PLBD1: variants seen among roughly 807,000 people sequenced by gnomAD.
The protein encoded by PLBD1 is phospholipase B domain containing 1, also known as lysosomal leucine aminopeptidase.
PLBD1 carries 60 observed loss-of-function variants against 63.0 expected under a neutral mutation model. That is an observed-to-expected ratio of 0.95 (90% confidence interval 0.77 to 1.18). PLBD1 has a LOEUF of 1.18. Among genes scored for constraint, PLBD1 ranks in the 50% most tolerant of loss-of-function variants. PLBD1 has a pLI of 0.00. For missense variants in PLBD1, 598 were observed against 677.9 expected (o/e 0.88, Z 1.31); for synonymous variants, 262 against 248.0 (o/e 1.06, Z -0.53).
intron 1 of PLBD1, among the ~76,000 whole-genome samples, chr12:14,560,097 T>C (rs1214246509): frequency 6.6e-6 from 1 of 152,152 alleles, no homozygotes. Flanking sequence ...TGACCTCAGG[T>C]GATTTGCCTG....
At chr12:14,525,744 AAGAC>A in intron 6 of PLBD1, among the ~76,000 whole-genome samples, 1 of 151,764 alleles carries the variant, frequency 6.6e-6, no homozygotes, top group Middle Eastern at 3.4e-3. Flanking sequence ...AATTTTTTAA[AAGAC>A]AGTAAGTTTT....
At chr12:14,504,993 C>T (rs1310957162) in intron 10 of PLBD1, among the ~76,000 whole-genome samples, 1 of 151,906 alleles carries the variant, frequency 6.6e-6, no homozygotes, top group African/African-American at 2.4e-5. Flanking sequence ...TTTGTGTATT[C>T]TGTGATAGAT....
chr12:14,512,182 C>A (rs563861408), intron 6 of PLBD1, among the ~76,000 whole-genome samples: 4 of 147,758 alleles, frequency 2.7e-5, no homozygotes, highest in Non-Finnish European at 5.9e-5. Context: ...CACAGTCTGA[C>A]TCTGTCACCC....
intron 1 of PLBD1, among the ~76,000 whole-genome samples, chr12:14,562,514 GAC>G (rs1165317731): frequency 2.0e-5 from 3 of 148,262 alleles, no homozygotes; most frequent in East Asian, 3.9e-4. Context: ...TATCTGTGTA[GAC>G]AGTGTTTCAA....
chr12:14,535,586 T>G, intron 6 of PLBD1, 73 bp downstream of exon 6: 1 of 1,511,962 alleles, frequency 6.6e-7, no homozygotes, highest in South Asian at 1.2e-5. Context: ...CCATTGCAGT[T>G]AACACTGAAT....
intron 6 of PLBD1, 134 bp from the exon 7 acceptor site, chr12:14,511,845 G>A: frequency 1.2e-6 from 1 of 855,590 alleles, no homozygotes; most frequent in Non-Finnish European, 1.8e-6. Flanking sequence ...ATCTGCAGTA[G>A]CCTCCCCCAG....
chr12:14,529,400 A>G (rs1476999201), intron 6 of PLBD1, among the ~76,000 whole-genome samples: 1 of 152,182 alleles, frequency 6.6e-6, no homozygotes, highest in East Asian at 1.9e-4. Flanking sequence ...ACGTTAGTAA[A>G]CTGAACTAAA....
chr12:14,530,790 C>T (rs1453544985), intron 6 of PLBD1, among the ~76,000 whole-genome samples: 3 of 152,134 alleles, frequency 2.0e-5, no homozygotes, highest in Non-Finnish European at 4.4e-5. Context: ...GTCTTACCTC[C>T]TTGATTATTA....
At chr12:14,547,397 C>T (rs1945624230) in intron 2 of PLBD1, among the ~76,000 whole-genome samples, 1 of 152,156 alleles carries the variant, frequency 6.6e-6, no homozygotes, top group Non-Finnish European at 1.5e-5. Flanking sequence ...TGGGACCCTA[C>T]ACTTCTGTGT....
chr12:14,553,324 GC>G lies in PLBD1; in HGVS notation c.203del (p.Gly68AlafsTer7). 6.2e-7 allele frequency: 1 copy of G among 1,614,122 alleles called. No homozygotes were observed. Among genetic ancestry groups the G allele is most frequent in the Non-Finnish European group, 8.5e-7 (1 of 1,180,018 alleles). On this transcript the variant is annotated frameshift_variant, in exon 2 of 11. Coordinates refer to ENST00000240617, the MANE Select transcript of PLBD1 (RefSeq NM_024829.6). LOFTEE classifies it high-confidence loss of function. The stretch of plus-strand genomic sequence containing the variant: ...TGGTTTTCACAGAGTTATTGTAAAA[GC>G]CATAGGCGTCCCCATTCTTGTCCAT... ...NVMDKNGDAYGFYNNSVKTTG... is the reference protein window; with the variant it reads ...NVMDKNGDAYXFYNNSVKTTG...
intron 6 of PLBD1, among the ~76,000 whole-genome samples, chr12:14,522,902 A>G (rs1945387939): frequency 6.6e-6 from 1 of 152,164 alleles, no homozygotes; most frequent in Admixed American, 6.5e-5. Flanking sequence ...ATTCACAGCT[A>G]GCATCATACT....
In PLBD1 at chr12:14,506,116, C is replaced by T. The variant is rs561023570; in HGVS notation, c.1479+46G>A. The T allele has an allele frequency of 5.1e-6, 7 of 1,368,758 alleles. No individual in the cohort carries two copies. In the Admixed American group the frequency reaches 7.6e-5, roughly 15 times the overall value. 84.8% of individuals were successfully genotyped at this position (1,368,758 alleles called of 1,614,324 possible). A position where few individuals can be genotyped will look rare whatever the true frequency, so the allele number is the denominator to read the frequency against. On this transcript the variant is annotated intron_variant, in intron 10 of 10. Transcript: ENST00000240617. ...CTGTGCAACTTTGCCTTTGGAGAGG[C>T]CTGTGTGCTGGTGGGAATTAAATTC...
Position 14,567,620 on chromosome 12 carries a change from GGCAGCAGCA to G in PLBD1, c.68_76del (p.Leu23_Leu25del), listed in dbSNP as rs71669631. On this transcript the variant is annotated inframe_deletion, in exon 1 of 11. Transcript: ENST00000240617. ...CGGCTCCGCGGTGACTAACAACAGC[GGCAGCAGCA>G]GCAGCAGCAGCAGAAGCGGTGGCGG... is the stretch of plus-strand genomic sequence containing the variant. The G allele has an allele frequency of 4.7e-6, 7 of 1,478,692 alleles. No individual in the cohort carries two copies. Among genetic ancestry groups the G allele is most frequent in the East Asian group, 2.8e-5 (1 of 35,150 alleles). The allele number at this position is 1,478,692 out of a possible 1,614,324, so 91.6% of individuals were successfully genotyped here. A position where few individuals can be genotyped will look rare whatever the true frequency, so the allele number is the denominator to read the frequency against.
At chr12:14,525,682 AACACACACACAC>A (rs57722328) in intron 6 of PLBD1, among the ~76,000 whole-genome samples, 6 of 149,128 alleles carry the variant, frequency 4.0e-5, no homozygotes, top group East Asian at 2.0e-4. Flanking sequence ...CTTACTTCTC[AACACACACACAC>A]ACACACACAC....
Position 14,553,236 on chromosome 12 carries a change from T to C in PLBD1, c.292A>G (p.Ile98Val), listed in dbSNP as rs1481887426. ...TCCAAAAAGCCAGCCACAAACATGA[T>C]GATCTCATTGCTCAGGGTTTGAGAG... ...YGSQTLSNEI[I>V]MFVAGFLEGY... The change falls in exon 2 of 11, where the codon ATC (isoleucine) becomes GTC (valine). Residue 98 changes from isoleucine (I) to valine (V), a missense_variant. Coordinates refer to ENST00000240617, the MANE Select transcript of PLBD1 (RefSeq NM_024829.6). The C allele has an allele frequency of 6.2e-7, 1 of 1,613,952 alleles. No individual in the cohort carries two copies. Among genetic ancestry groups the C allele is most frequent in the Middle Eastern group, 1.7e-4 (1 of 6,002 alleles).
At chr12:14,510,079 C>T (rs1419162674) in intron 8 of PLBD1, among the ~76,000 whole-genome samples, 1 of 152,074 alleles carries the variant, frequency 6.6e-6, no homozygotes, top group Non-Finnish European at 1.5e-5. Context: ...GTTGATATTT[C>T]TGTAGCCTAA....
chr12:14,506,110 G>C (rs778610835), intron 10 of PLBD1, 52 bp downstream of exon 10: 2 of 1,300,304 alleles, frequency 1.5e-6, no homozygotes, highest in Non-Finnish European at 2.2e-6. Flanking sequence ...TTTGCCTTTG[G>C]AGAGGCCTGT....
chr12:14,567,032 T>C (rs918924783), intron 1 of PLBD1, among the ~76,000 whole-genome samples: 3 of 151,052 alleles, frequency 2.0e-5, no homozygotes, highest in African/African-American at 7.3e-5. Context: ...GAGGCGGAAG[T>C]TGCAGTGAGC....
intron 2 of PLBD1, among the ~76,000 whole-genome samples, chr12:14,546,870 G>C (rs1945620455): frequency 1.3e-5 from 2 of 151,906 alleles, no homozygotes; most frequent in African/African-American, 4.8e-5. Flanking sequence ...TTTTCTTCTG[G>C]TTTCTTTTTT....
Sources: allele counts gnomAD v4.1 joint callset (sites outside exome capture counted in the v4.1 genomes callset), GRCh38; gene constraint gnomAD v4.1.1; transcripts MANE v1.5; gene names NCBI Gene and HGNC (gene_info 2026-07-23, HGNC 2026-07-21).